The following TRAF3 variants were observed in gnomAD, a reference collection of about 807,000 sequenced individuals.
The protein encoded by TRAF3 is TNF receptor associated factor 3.
In TRAF3, 13 loss-of-function variants were observed where a neutral mutation model predicts 62.3. The observed-to-expected ratio is 0.21, with a 90% CI of 0.14 to 0.33. The LOEUF (loss-of-function observed/expected upper bound fraction) is 0.33, where lower values mean the gene tolerates loss of function less well. TRAF3 is among the 10% of genes least tolerant of loss of function. The probability of loss-of-function intolerance (pLI) is 1.00; values close to 1 mark genes in which losing one functional copy is unlikely to be tolerated. For missense variants in TRAF3, 440 were observed against 741.8 expected, an observed-to-expected ratio of 0.59 and a Z score of 4.73; for synonymous variants, 269 against 283.4, an observed-to-expected ratio of 0.95 and a Z score of 0.51.
At chr14:102,888,657 T>C (rs940842829) in intron 7 of TRAF3, among the ~76,000 whole-genome samples, 3 of 152,204 alleles carry the variant, frequency 2.0e-5, no homozygotes, top group Non-Finnish European at 4.4e-5. Flanking sequence ...GTCTGTTTTC[T>C]GTGAAGAAGA....
intron 4 of TRAF3, among the ~76,000 whole-genome samples, chr14:102,873,438 C>T (rs762693570): frequency 2.0e-4 from 30 of 152,322 alleles, no homozygotes; most frequent in South Asian, 4.1e-4. Flanking sequence ...GAGAAGCTCG[C>T]GACGATGGCT....
intron 1 of TRAF3, among the ~76,000 whole-genome samples, chr14:102,813,888 C>T (rs1397973578): frequency 6.6e-6 from 1 of 151,866 alleles, no homozygotes; most frequent in Non-Finnish European, 1.5e-5. Flanking sequence ...TCTATTGTTT[C>T]CTTTGTTTTG....
At chr14:102,777,717 C>T (rs2140033434) in intron 1 of TRAF3, 42 bp downstream of exon 1, 1 of 144,864 alleles carries the variant, frequency 6.9e-6, no homozygotes, top group East Asian at 2.0e-4. Context: ...GGCGCGCGGC[C>T]GGGCGCCTCC....
chr14:102,851,332 A>G (rs974197618), intron 2 of TRAF3, among the ~76,000 whole-genome samples: 10 of 152,194 alleles, frequency 6.6e-5, no homozygotes, highest in Non-Finnish European at 1.5e-5. Context: ...ATCCTTCCAA[A>G]TATGCAATCT....
chr14:102,859,361 A>G (rs1336045827), intron 2 of TRAF3, among the ~76,000 whole-genome samples: 5 of 152,178 alleles, frequency 3.3e-5, no homozygotes, highest in Admixed American at 2.0e-4. Context: ...TTGGTAAGCA[A>G]TTTTAATTAT....
intron 1 of TRAF3, among the ~76,000 whole-genome samples, chr14:102,781,064 G>A (rs895042124): frequency 1.3e-5 from 2 of 152,232 alleles, no homozygotes; most frequent in African/African-American, 2.4e-5. Context: ...TTCTGGAAGC[G>A]TGGTGGGAAT....
chr14:102,896,010 A>T (rs1264978819), intron 9 of TRAF3, among the ~76,000 whole-genome samples: 1 of 152,168 alleles, frequency 6.6e-6, no homozygotes, highest in African/African-American at 2.4e-5. Flanking sequence ...TTCAAACTGC[A>T]GGGTGTGGCC....
intron 10 of TRAF3, among the ~76,000 whole-genome samples, chr14:102,901,522 G>A (rs920645620): frequency 6.6e-6 from 1 of 152,156 alleles, no homozygotes; most frequent in Non-Finnish European, 1.5e-5. Context: ...GTTCAGTGTC[G>A]TCAGTGGTAT....
rs928609609 is a variant in TRAF3, at chr14:102,871,940, C to T, written c.269C>T (p.Ala90Val). The T allele has an allele frequency of 4.3e-6, 7 of 1,614,130 alleles. No individual in the cohort carries two copies. Among genetic ancestry groups the T allele is most frequent in the Non-Finnish European group, 5.9e-6 (7 of 1,180,020 alleles). The change falls in exon 4 of 12, where the codon GCG becomes GTG. Residue 90 changes from alanine to valine, a missense_variant. By Grantham distance (64) the Ala-to-Val change is moderately conservative. Around this residue, in one of 6 missense-constraint regions of TRAF3, gnomAD observed 255 missense variants for 424.1 expected, o/e 0.60. Transcript: ENST00000392745. ...AGCTCTTCAAGTCCAAAATGTACAG[C>T]GTGTCAAGAGAGCATCGTTAAAGAT... ...LLSSSSPKCT[A>V]CQESIVKDKV...
At chr14:102,884,863 A>G (rs765909158) in intron 6 of TRAF3, among the ~76,000 whole-genome samples, 3 of 152,208 alleles carry the variant, frequency 2.0e-5, no homozygotes, top group South Asian at 2.1e-4. Flanking sequence ...ACACATTACT[A>G]AAGAATTGCA....
chr14:102,878,217 C>A (rs749847403), intron 6 of TRAF3, among the ~76,000 whole-genome samples: 4 of 152,190 alleles, frequency 2.6e-5, no homozygotes, highest in Admixed American at 1.3e-4. Context: ...CCATCACTTA[C>A]AACAGGCTAA....
In TRAF3 at chr14:102,906,234, A is replaced by G. The variant is rs1213370511; in HGVS notation, c.*450A>G. The G allele has an allele frequency of 6.2e-6, 1 of 162,556 alleles. No homozygotes were observed. The highest frequency in any genetic ancestry group is 1.4e-5 in the Non-Finnish European group (1 of 73,306). The allele number at this position is 162,556 out of a possible 1,614,324, so 10.1% of individuals were successfully genotyped here. ...AATGCAATTCTGATATCTTCTTTCTAAAATTCAAGAGTGCAATTTTGTTTC... is the reference window on the plus strand; with the variant it reads ...AATGCAATTCTGATATCTTCTTTCTGAAATTCAAGAGTGCAATTTTGTTTC... On this transcript the variant is annotated 3_prime_UTR_variant, in exon 12 of 12. Coordinates refer to ENST00000392745, the MANE Select transcript of TRAF3 (RefSeq NM_145725.3).
chr14:102,805,732 A>G (rs942241978), intron 1 of TRAF3, among the ~76,000 whole-genome samples: 10 of 152,208 alleles, frequency 6.6e-5, no homozygotes, highest in Admixed American at 4.6e-4. Flanking sequence ...TCCCTCAGCT[A>G]GAGCGTGAGG....
At position 102,808,737 on chromosome 14, in the gene TRAF3, T is replaced by C. The variant is rs1445920657; in HGVS notation, c.-156-21597T>C. Among the ~76,000 whole-genome samples the C allele has an allele frequency of 2.0e-5, 3 of 152,306 alleles. No homozygotes were observed. In the East Asian group the frequency reaches 5.8e-4, roughly 29 times the overall value. On this transcript the variant is annotated intron_variant, in intron 1 of 11. Transcript: ENST00000392745. ...TTCAGTATTTGGGGAAAATATGTCC[T>C]CTGAGTCGAATGACCAATGGCTGTT...
chr14:102,778,355 G>C (rs1566731202), intron 1 of TRAF3, among the ~76,000 whole-genome samples: 1 of 152,074 alleles, frequency 6.6e-6, no homozygotes, highest in Non-Finnish European at 1.5e-5. Flanking sequence ...AGCCAGCCCC[G>C]TGTGGGGACT....
At chr14:102,849,057 C>T (rs1886883009) in intron 2 of TRAF3, among the ~76,000 whole-genome samples, 1 of 152,212 alleles carries the variant, frequency 6.6e-6, no homozygotes, top group African/African-American at 2.4e-5. Flanking sequence ...CCACCTCCGC[C>T]TCCCAAAGTA....
intron 7 of TRAF3, among the ~76,000 whole-genome samples, chr14:102,887,842 G>A (rs907926453): frequency 4.6e-5 from 7 of 151,996 alleles, no homozygotes; most frequent in Non-Finnish European, 8.8e-5. Context: ...TGATTTGCCC[G>A]CCTCGGCCTC....
chr14:102,842,607 A>C (rs1299611014), intron 2 of TRAF3, among the ~76,000 whole-genome samples: 1 of 152,144 alleles, frequency 6.6e-6, no homozygotes, highest in Non-Finnish European at 1.5e-5. Flanking sequence ...ATTTGATGAA[A>C]AATGCAAACT....
intron 9 of TRAF3, chr14:102,894,942 T>G (rs923661419): frequency 5.8e-6 from 2 of 346,920 alleles, no homozygotes; most frequent in Admixed American, 7.3e-5. Context: ...GCTCAAGTGG[T>G]CCGTCTGCCT....
Sources: gnomAD v4.1 joint callset for allele counts (sites outside exome capture counted in the v4.1 genomes callset) on GRCh38, gnomAD v4.1.1 for gene constraint, gnomAD v4.1.1 regional missense constraint, MANE v1.5 for transcripts, NCBI Gene and HGNC (gene_info 2026-07-23, HGNC 2026-07-21) for gene names.